Variants in ATM observed in about 807,000 individuals in gnomAD.
ATM encodes the protein serine-protein kinase ATM.
A neutral mutation model predicts 387.0 loss-of-function variants in ATM; 308 were observed. The observed-to-expected ratio is 0.80, with a 90% CI of 0.73 to 0.87. The LOEUF is 0.87. Among genes scored for constraint, ATM ranks in the 40% least tolerant of loss-of-function variants. ATM has a pLI of 0.00. For synonymous variants in ATM, 1,156 were observed against 1,187.3 expected, an observed-to-expected ratio of 0.97 and a Z score of 0.54; for missense variants, 3,312 against 3,560.9, an observed-to-expected ratio of 0.93 and a Z score of 1.78.
intron 7 of ATM, 126 bp from the exon 8 acceptor site, chr11:108,246,838 G>T: frequency 1.4e-6 from 1 of 712,354 alleles, no homozygotes; most frequent in East Asian, 2.8e-5. Flanking sequence ...CATTAGTACT[G>T]AATGGAAGGT....
At chr11:108,255,900 G>A (rs893296533) in intron 13 of ATM, among the ~76,000 whole-genome samples, 1 of 152,064 alleles carries the variant, frequency 6.6e-6, no homozygotes, top group African/African-American at 2.4e-5. Flanking sequence ...TTATTTGCCT[G>A]TGAAGCTTTT....
intron 38 of ATM, 147 bp from the exon 39 acceptor site, chr11:108,310,013 T>C (rs1407719955): frequency 1.3e-6 from 1 of 742,804 alleles, no homozygotes; most frequent in African/African-American, 1.8e-5. Flanking sequence ...TTATAATGTT[T>C]ATAGGTATAT....
chr11:108,240,667 A>G (rs1349206820), intron 5 of ATM, among the ~76,000 whole-genome samples: 1 of 146,486 alleles, frequency 6.8e-6, no homozygotes, highest in African/African-American at 2.6e-5. Flanking sequence ...AGTATAGTAT[A>G]AAGGATAAAA....
chr11:108,317,658 C>G, intron 43 of ATM, 137 bp downstream of exon 43: 1 of 188,708 alleles, frequency 5.3e-6, no homozygotes, highest in Non-Finnish European at 9.0e-6. Context: ...TATATACACA[C>G]ACACACACAC....
Position 108,273,331 on chromosome 11 carries a change from C to CTTTTTTT in ATM, c.3284+500_3284+506dup, listed in dbSNP as rs563140198. On this transcript the variant is annotated intron_variant, in intron 22 of 62. Transcript: ENST00000675843. ...GGAATAAACATATATTAATTTCATTCTTTTTTTTTTTTTTTTTTTTTTTTT... is the reference window on the plus strand; with the variant it reads ...GGAATAAACATATATTAATTTCATTCTTTTTTTTTTTTTTTTTTTTTTTTTTTTTTTT... 2.4e-4 allele frequency among the ~76,000 whole-genome samples: 19 copies of CTTTTTTT among 80,662 alleles called. 1 individual carries two copies. The highest frequency in any genetic ancestry group is 8.0e-4 in the African/African-American group (14 of 17,520). 52.9% of individuals were successfully genotyped at this position (80,662 alleles called of 152,430 possible). A position where few individuals can be genotyped will look rare whatever the true frequency, so the allele number is the denominator to read the frequency against.
At chr11:108,242,090 C>A (rs937992020) in intron 5 of ATM, among the ~76,000 whole-genome samples, 1 of 151,450 alleles carries the variant, frequency 6.6e-6, no homozygotes, top group Non-Finnish European at 1.5e-5. Flanking sequence ...CCAAATCTAG[C>A]CTGGGCAGTG....
intron 57 of ATM, among the ~76,000 whole-genome samples, 187 bp downstream of exon 57, chr11:108,343,558 CATAAT>C (rs2087882394): frequency 6.6e-6 from 1 of 152,190 alleles, no homozygotes; most frequent in Non-Finnish European, 1.5e-5. Flanking sequence ...TTTTAAACTA[CATAAT>C]ATGTCAACCC....
chr11:108,319,419 T>C (rs920783243), intron 43 of ATM, among the ~76,000 whole-genome samples: 3 of 152,184 alleles, frequency 2.0e-5, no homozygotes, highest in African/African-American at 7.2e-5. Context: ...TCTTCTCCTT[T>C]TCCCCCAGTT....
rs141341560 is a variant in ATM, at chr11:108,285,825, T to G, written c.3993+1352T>G. Among the ~76,000 whole-genome samples, 20 of 152,302 alleles carry G rather than the reference T, an allele frequency of 1.3e-4. No homozygotes were observed. In the East Asian group the frequency reaches 3.9e-3, roughly 29 times the overall value. On this transcript the variant is annotated intron_variant, in intron 26 of 62. Coordinates refer to ENST00000675843, the MANE Select transcript of ATM (RefSeq NM_000051.4). Reference sequence around the variant, plus strand: ...AGAGAGATACTCAGCCTCTAGCCACTCCCATTCAATCTCCCAGCTTAGTCT... The same window carrying G: ...AGAGAGATACTCAGCCTCTAGCCACGCCCATTCAATCTCCCAGCTTAGTCT...
At chr11:108,258,911 A>T in intron 15 of ATM, 75 bp from the exon 16 acceptor site, 2 of 1,213,830 alleles carry the variant, frequency 1.6e-6, no homozygotes, top group Non-Finnish European at 2.4e-6. Context: ...CATTCAAGAT[A>T]GAGAAAACAC....
intron 20 of ATM, among the ~76,000 whole-genome samples, chr11:108,271,799 C>T (rs1409913004): frequency 1.3e-5 from 2 of 152,216 alleles, no homozygotes; most frequent in African/African-American, 4.8e-5. Context: ...CAGAGGAGCA[C>T]ATACATATAA....
At chr11:108,313,871 T>C (rs1216982942) in intron 40 of ATM, among the ~76,000 whole-genome samples, 1 of 152,182 alleles carries the variant, frequency 6.6e-6, no homozygotes, top group Non-Finnish European at 1.5e-5. Context: ...TTCCTAGTTT[T>C]TTCTATTTTA....
chr11:108,332,696 T>G lies in ATM; in HGVS notation c.7789-66T>G, dbSNP rs891164713. 26 of 1,531,178 alleles carry G rather than the reference T, an allele frequency of 1.7e-5. No individual in the cohort carries two copies. In the African/African-American group the frequency reaches 2.9e-4, roughly 17 times the overall value. 94.8% of individuals were successfully genotyped at this position (1,531,178 alleles called of 1,614,324 possible). On this transcript the variant is annotated intron_variant, in intron 52 of 62. Coordinates refer to ENST00000675843, the MANE Select transcript of ATM (RefSeq NM_000051.4). ...TAAATTCTGTTTTTCTCTTTGTTTTTCTAACTCTGAGAAGTTTAAATGTTG... is the reference window on the plus strand; with the variant it reads ...TAAATTCTGTTTTTCTCTTTGTTTTGCTAACTCTGAGAAGTTTAAATGTTG...
rs786202092 is a variant in ATM at position 108,316,116 on chromosome 11, A to C, written c.6198+3A>C. On this transcript the variant is annotated splice_donor_region_variant and intron_variant, in intron 42 of 62. Transcript: ENST00000675843. ...CACGCCAGGCAGGAATCATTCAGGTACATTTTTTCCCAGATTTGGTAAAGC... is the reference window on the plus strand; with the variant it reads ...CACGCCAGGCAGGAATCATTCAGGTCCATTTTTTCCCAGATTTGGTAAAGC... 2 of 1,613,540 alleles carry C rather than the reference A, an allele frequency of 1.2e-6. No homozygotes were observed. Among genetic ancestry groups the C allele is most frequent in the Non-Finnish European group, 1.7e-6 (2 of 1,179,504 alleles).
Position 108,299,789 on chromosome 11 carries a change from C to G in ATM, c.5081C>G (p.Ala1694Gly), listed in dbSNP as rs587782551. ...ATAGCTATACAACATAGTAAAGATGCATCTTATACCAAGGCCCTTAAGTTA... is the reference window on the plus strand; with the variant it reads ...ATAGCTATACAACATAGTAAAGATGGATCTTATACCAAGGCCCTTAAGTTA... ...STIAIQHSKD[A>G]SYTKALKLFE... The change falls in exon 34 of 63, where the codon GCA becomes GGA. Residue 1694 changes from alanine (A) to glycine (G), a missense_variant. Ala to Gly is a moderately conservative substitution (Grantham distance 60). This residue lies in a region of ATM where 1,405 missense variants were observed against 1,604.4 expected (regional missense o/e 0.88). Coordinates refer to ENST00000675843, the MANE Select transcript of ATM (RefSeq NM_000051.4). 2 of 1,613,916 alleles carry G rather than the reference C, an allele frequency of 1.2e-6. No individual in the cohort carries two copies. Among genetic ancestry groups the G allele is most frequent in the Non-Finnish European group, 8.5e-7 (1 of 1,179,896 alleles).
chr11:108,266,272 G>A (rs1319382030), intron 16 of ATM, among the ~76,000 whole-genome samples: 4 of 151,582 alleles, frequency 2.6e-5, no homozygotes, highest in South Asian at 2.1e-4. Context: ...AAGAAACTGT[G>A]GCACATATAC....
chr11:108,324,427 GTCTT>G (rs1156849003), intron 45 of ATM, among the ~76,000 whole-genome samples: 1 of 152,114 alleles, frequency 6.6e-6, no homozygotes, highest in Non-Finnish European at 1.5e-5. Context: ...ATTTTTCTCA[GTCTT>G]TCTAATATGA....
chr11:108,319,835 C>A, intron 43 of ATM, 119 bp from the exon 44 acceptor site: 3 of 697,342 alleles, frequency 4.3e-6, no homozygotes, highest in South Asian at 1.9e-5. Flanking sequence ...TCTAGAAATG[C>A]ATTTTTTAGA....
chr11:108,260,809 G>A (rs1413332753), intron 16 of ATM, among the ~76,000 whole-genome samples: 3 of 152,248 alleles, frequency 2.0e-5, no homozygotes, highest in Non-Finnish European at 1.5e-5. Context: ...GAAGCAGGGC[G>A]AGGCATTGCC....
Sources: gnomAD v4.1 joint callset for allele counts (sites outside exome capture counted in the v4.1 genomes callset) on GRCh38, gnomAD v4.1.1 for gene constraint, gnomAD v4.1.1 regional missense constraint, MANE v1.5 for transcripts, NCBI Gene and HGNC (gene_info 2026-07-23, HGNC 2026-07-21) for gene names.